Variants in RALYL observed in about 807,000 individuals in gnomAD.
The protein encoded by RALYL is RALY RNA binding protein like.
A neutral mutation model predicts 35.1 loss-of-function variants in RALYL; 29 were observed. That is an observed-to-expected ratio of 0.83 (90% CI 0.61 to 1.13). The LOEUF (loss-of-function observed/expected upper bound fraction) is 1.13. Among genes scored for constraint, RALYL ranks in the 50% most tolerant of loss-of-function variants. The probability of loss-of-function intolerance (pLI) is 0.00; values close to 1 mark genes in which losing one functional copy is unlikely to be tolerated. For missense variants in RALYL, 359 were observed against 360.4 expected (o/e 1.00, Z 0.03); for synonymous variants, 120 against 127.6 (o/e 0.94, Z 0.40).
chr8:84,218,792 C>G (rs1821464784), intron 1 of RALYL, among the ~76,000 whole-genome samples: 1 of 152,024 alleles, frequency 6.6e-6, no homozygotes. Context: ...CATATGATAA[C>G]CCTTTAAAAA....
At chr8:84,455,594 A>T (rs2133276831) in intron 1 of RALYL, among the ~76,000 whole-genome samples, 1 of 152,134 alleles carries the variant, frequency 6.6e-6, no homozygotes, top group East Asian at 1.9e-4. Context: ...AATATTGAAA[A>T]ATGAATTTAA....
At chr8:84,441,088 G>A (rs1407049982) in intron 1 of RALYL, among the ~76,000 whole-genome samples, 1 of 151,962 alleles carries the variant, frequency 6.6e-6, no homozygotes, top group Non-Finnish European at 1.5e-5. Context: ...GTATGTAGTA[G>A]TGGTGTATTT....
chr8:84,584,937 T>G lies in RALYL; in HGVS notation c.256+55360T>G, dbSNP rs565394350. Among the ~76,000 whole-genome samples the G allele has an allele frequency of 3.3e-5, 5 of 152,312 alleles. 1 individual carries two copies. The East Asian group carries it at 9.7e-4, about 29-fold the overall frequency. The stretch of plus-strand genomic sequence containing the variant: ...ATTTTTCTCTTCCACTAAAAGCTTT[T>G]TATGAGTGGTTTGCCCTAGAGCAGC... On this transcript the variant is annotated intron_variant, in intron 2 of 8. Transcript: ENST00000521268.
chr8:84,453,524 T>C (rs918516035), intron 1 of RALYL, among the ~76,000 whole-genome samples: 1 of 151,962 alleles, frequency 6.6e-6, no homozygotes, highest in Non-Finnish European at 1.5e-5. Context: ...GTTTAATATC[T>C]AACGAGAGAG....
intron 2 of RALYL, among the ~76,000 whole-genome samples, chr8:84,634,602 C>T (rs1329814465): frequency 1.3e-5 from 2 of 151,520 alleles, no homozygotes; most frequent in African/African-American, 4.8e-5. Context: ...GCTTAGCAGC[C>T]CTTATTATAT....
chr8:84,425,291 C>T (rs971156227), intron 1 of RALYL, among the ~76,000 whole-genome samples: 291 of 152,174 alleles, frequency 1.9e-3, no homozygotes, highest in African/African-American at 6.7e-3. Flanking sequence ...GCGCAATATT[C>T]GGGTGGGAGT....
At chr8:84,334,294 A>C (rs1388216297) in intron 1 of RALYL, among the ~76,000 whole-genome samples, 1 of 152,166 alleles carries the variant, frequency 6.6e-6, no homozygotes. Flanking sequence ...ATGTACTGAC[A>C]GGTAAAAAGT....
chr8:84,390,209 A>G (rs1860316124), intron 1 of RALYL, among the ~76,000 whole-genome samples: 1 of 152,090 alleles, frequency 6.6e-6, no homozygotes, highest in South Asian at 2.1e-4. Flanking sequence ...ATCATGGTGG[A>G]TAAGCTTTTT....
At chr8:84,416,266 C>T (rs1418949622) in intron 1 of RALYL, among the ~76,000 whole-genome samples, 1 of 152,162 alleles carries the variant, frequency 6.6e-6, no homozygotes, top group African/African-American at 2.4e-5. Flanking sequence ...CTCATCACAC[C>T]TAATAGCTAC....
intron 1 of RALYL, among the ~76,000 whole-genome samples, chr8:84,408,428 TCCAG>T (rs1280404012): frequency 6.6e-6 from 1 of 152,206 alleles, no homozygotes; most frequent in Non-Finnish European, 1.5e-5. Context: ...AAATATGTCA[TCCAG>T]CAAAATCTAT....
At chr8:84,423,734 G>A (rs1331525545) in intron 1 of RALYL, among the ~76,000 whole-genome samples, 1 of 151,590 alleles carries the variant, frequency 6.6e-6, no homozygotes. Flanking sequence ...AGCTCTTTTA[G>A]GGCAGGCCTG....
chr8:84,491,470 GTCTT>G (rs2055296466), intron 1 of RALYL, among the ~76,000 whole-genome samples: 1 of 151,884 alleles, frequency 6.6e-6, no homozygotes, highest in Non-Finnish European at 1.5e-5. Flanking sequence ...TGAACTTTGG[GTCTT>G]TCTATGTCCT....
chr8:84,207,798 ATG>A (rs575104571), intron 1 of RALYL, among the ~76,000 whole-genome samples: 105 of 143,704 alleles, frequency 7.3e-4, no homozygotes, highest in South Asian at 3.1e-3. Flanking sequence ...TCATTTCATA[ATG>A]TGTGTGTGTG....
chr8:84,496,116 TG>T (rs1161163269), intron 1 of RALYL, among the ~76,000 whole-genome samples: 1 of 152,132 alleles, frequency 6.6e-6, no homozygotes, highest in Non-Finnish European at 1.5e-5. Flanking sequence ...TCTTTGTTCA[TG>T]GTATCCTAGA....
chr8:84,651,622 G>A (rs776434376), intron 2 of RALYL, among the ~76,000 whole-genome samples: 5 of 151,932 alleles, frequency 3.3e-5, no homozygotes, highest in Non-Finnish European at 5.9e-5. Context: ...ACATAAATAT[G>A]TCATTTGATA....
intron 1 of RALYL, among the ~76,000 whole-genome samples, chr8:84,434,573 A>G (rs2047497088): frequency 6.6e-6 from 1 of 152,206 alleles, no homozygotes; most frequent in African/African-American, 2.4e-5. Context: ...TACCTTAGCC[A>G]TAAATTCATG....
intron 4 of RALYL, among the ~76,000 whole-genome samples, chr8:84,812,573 G>A (rs1015468749): frequency 5.3e-5 from 8 of 152,272 alleles, no homozygotes; most frequent in Middle Eastern, 3.4e-3. Context: ...AGGCATGTCC[G>A]AGCTCAGGCT....
chr8:84,819,315 T>A (rs193079957), intron 4 of RALYL, among the ~76,000 whole-genome samples: 1 of 152,192 alleles, frequency 6.6e-6, no homozygotes, highest in South Asian at 2.1e-4. Flanking sequence ...ACAACTGTAA[T>A]TTTAATTTAT....
intron 4 of RALYL, among the ~76,000 whole-genome samples, chr8:84,834,303 G>A (rs1424665712): frequency 6.6e-6 from 1 of 152,202 alleles, no homozygotes; most frequent in Non-Finnish European, 1.5e-5. Flanking sequence ...CTCTGTGGCT[G>A]AGGGAGAGTA....
Sources: allele counts gnomAD v4.1 joint callset (sites outside exome capture counted in the v4.1 genomes callset), GRCh38; gene constraint gnomAD v4.1.1; transcripts MANE v1.5; gene names NCBI Gene and HGNC (gene_info 2026-07-23, HGNC 2026-07-21).